The following MYH3 variants were observed in gnomAD, a reference collection of about 807,000 sequenced individuals.
MYH3 encodes the protein myosin-3.
Under a neutral mutation model 238.0 loss-of-function variants are expected in MYH3, and 130 were observed. The ratio of observed to expected loss-of-function variants is 0.55; its 90% CI spans 0.47 to 0.63. The LOEUF (loss-of-function observed/expected upper bound fraction) is 0.63. MYH3 is among the 30% of genes least tolerant of loss of function. The pLI, the probability that MYH3 is intolerant of heterozygous loss-of-function variation, is 0.00. For missense variants in MYH3, 1,853 were observed against 2,374.9 expected (o/e 0.78, Z 4.57); for synonymous variants, 880 against 924.1 (o/e 0.95, Z 0.86).
At chr17:10,632,376 C>A in intron 34 of MYH3, 100 bp downstream of exon 34, 1 of 1,376,784 alleles carries the variant, frequency 7.3e-7, no homozygotes, top group East Asian at 2.3e-5. Flanking sequence ...GCCTCAGTCT[C>A]CCAGAGCGCT....
Position 10,639,617 on chromosome 17 carries a change from A to C in MYH3, c.2868T>G (p.Asp956Glu). 2 of 1,614,138 alleles carry C rather than the reference A, an allele frequency of 1.2e-6. No homozygotes were observed. The highest frequency in any genetic ancestry group is 3.3e-4 in the Middle Eastern group (2 of 6,058). Residue 956 changes from aspartate to glutamate, a missense_variant, in exon 23 of 41, where the codon GAT (aspartate) becomes GAG (glutamate). Asp to Glu is a conservative substitution (Grantham distance 45). Around this residue, in one of 3 missense-constraint regions of MYH3, gnomAD observed 678 missense variants for 1,058.9 expected, o/e 0.64. Transcript: ENST00000583535. ...CCTTGGCCAGGGTCAACTCAAGGTC[A>C]TCAATGTCTTTCTTGAGCTCTGAGC... ...DECSELKKDI[D>E]DLELTLAKVE...
rs1417184471 is a variant in MYH3 at position 10,634,036 on chromosome 17, C to T, written c.4503G>A (p.Arg1501=). ...EALDQLETVK[R]ENKNLEQEIA... ...GCTTACGCTCTAAGTTCTTATTTTC[C>T]CGTTTCACAGTTTCAAGTTGATCTA... Residue 1501 remains arginine, a synonymous_variant, in exon 32 of 41, where the codon CGG becomes CGA. Coordinates refer to ENST00000583535, the MANE Select transcript of MYH3 (RefSeq NM_002470.4). 6.2e-7 allele frequency: 1 copy of T among 1,614,096 alleles called. No homozygotes were observed. Among genetic ancestry groups the T allele is most frequent in the South Asian group, 1.1e-5 (1 of 91,082 alleles).
intron 4 of MYH3, 73 bp from the exon 5 acceptor site, chr17:10,651,741 A>ATTG: frequency 2.1e-6 from 3 of 1,437,382 alleles, no homozygotes; most frequent in Non-Finnish European, 1.9e-6. Flanking sequence ...CTTTATTATT[A>ATTG]TTATTGTTTT....
At chr17:10,676,029 G>A in the MYH3 span, 3 of 152,168 alleles carry the variant, frequency 2.0e-5, no homozygotes, top group Non-Finnish European at 2.9e-5. Context: ...AAAACCAAAC[G>A]ACAAAATCCA....
chr17:10,649,843 G>A (rs926744157), intron 6 of MYH3, among the ~76,000 whole-genome samples, 158 bp from the exon 7 acceptor site: 1 of 152,174 alleles, frequency 6.6e-6, no homozygotes, highest in African/African-American at 2.4e-5. Context: ...AGACGCCCAG[G>A]GCACAGGTGC....
the MYH3 span, among the ~76,000 whole-genome samples, chr17:10,672,071 G>C: frequency 6.6e-6 from 1 of 152,066 alleles, no homozygotes; most frequent in Non-Finnish European, 1.5e-5. Flanking sequence ...GTCTGACTTT[G>C]GTGGTTACAA....
intron 17 of MYH3, 130 bp from the exon 18 acceptor site, chr17:10,641,502 CTCTGTCTTTTTTT>C (rs1380536477): frequency 1.8e-5 from 10 of 569,052 alleles, no homozygotes; most frequent in Non-Finnish European, 2.9e-5. Context: ...AATGATTTAA[CTCTGTCTTTTTTT>C]TTTTTTTTTT....
intron 2 of MYH3, 47 bp from the exon 3 acceptor site, chr17:10,655,119 C>T (rs1002813966): frequency 8.1e-6 from 12 of 1,481,614 alleles, no homozygotes; most frequent in African/African-American, 6.9e-5. Context: ...CCTTGCCAGG[C>T]ACCCAGCAGC....
chr17:10,660,657 A>G (rs1223512978), upstream of MYH3, among the ~76,000 whole-genome samples: 2 of 143,998 alleles, frequency 1.4e-5, no homozygotes, highest in Non-Finnish European at 3.0e-5. Context: ...AGGCTGGGCG[A>G]CAGAGTGAGA....
intron 18 of MYH3, 32 bp from the exon 19 acceptor site, chr17:10,641,234 C>T (rs373458992): frequency 1.6e-5 from 25 of 1,611,524 alleles, no homozygotes; most frequent in South Asian, 2.2e-5. Context: ...CAGCCTTACA[C>T]AGAATTTCTT....
rs1211525214 is a variant in MYH3, at chr17:10,634,980, C to T, written c.4216G>A (p.Glu1406Lys). The T allele has an allele frequency of 6.2e-7, 1 of 1,614,040 alleles. No homozygotes were observed. Among genetic ancestry groups the T allele is most frequent in the Non-Finnish European group, 8.5e-7 (1 of 1,180,046 alleles). Reference sequence around the variant, plus strand: ...GAAGCACATTTAGCATTCACTGCCTCAACCTGTTCCTCGGAATCTTGAAGG... The same window carrying T: ...GAAGCACATTTAGCATTCACTGCCTTAACCTGTTCCTCGGAATCTTGAAGG... ...QRLQDSEEQV[E>K]AVNAKCASLE... Residue 1406 changes from glutamate (E) to lysine (K), a missense_variant, in exon 31 of 41, where the codon GAG (glutamate) becomes AAG (lysine). By Grantham distance (56) the Glu-to-Lys change is moderately conservative. Transcript: ENST00000583535.
chr17:10,640,225 T>C lies in MYH3; in HGVS notation c.2453A>G (p.Asn818Ser). Residue 818 changes from asparagine (N) to serine (S), a missense_variant, in exon 22 of 41, where the codon AAC becomes AGC. This residue lies in a region of MYH3 where 678 missense variants were observed against 1,058.9 expected (regional missense o/e 0.64). Coordinates refer to ENST00000583535, the MANE Select transcript of MYH3 (RefSeq NM_002470.4). ...RRESIFCIQY[N>S]IRSFMNVKHW... ...CTTGACGTTCATGAATGAGCGAATG[T>C]TGTACTGGATGCAGAAGATGGACTC... 6.2e-7 allele frequency: 1 copy of C among 1,614,192 alleles called. No homozygotes were observed. The highest frequency in any genetic ancestry group is 8.5e-7 in the Non-Finnish European group (1 of 1,180,036).
At chr17:10,651,692 T>G in intron 4 of MYH3, 24 bp from the exon 5 acceptor site, 1 of 1,607,104 alleles carries the variant, frequency 6.2e-7, no homozygotes, top group Non-Finnish European at 8.5e-7. Context: ...AACATATACG[T>G]GCGTATATGT....
rs2142374325 is a variant in MYH3 at position 10,628,561 on chromosome 17, A to G, written c.*92T>C. The stretch of plus-strand genomic sequence containing the variant: ...AACAAAGCAAAGTTTATTGCATGTG[A>G]AAAAGAGTCACATGGACATTAAGTA... On this transcript the variant is annotated 3_prime_UTR_variant, in exon 41 of 41. Coordinates refer to ENST00000583535, the MANE Select transcript of MYH3 (RefSeq NM_002470.4). The G allele has an allele frequency of 7.0e-7, 1 of 1,433,198 alleles. No homozygotes were observed. The highest frequency in any genetic ancestry group is 9.8e-7 in the Non-Finnish European group (1 of 1,015,408). 88.8% of individuals were successfully genotyped at this position (1,433,198 alleles called of 1,614,324 possible).
chr17:10,632,868 T>C, intron 33 of MYH3, 84 bp from the exon 34 acceptor site: 1 of 1,339,780 alleles, frequency 7.5e-7, no homozygotes, highest in Non-Finnish European at 1.1e-6. Flanking sequence ...AAAACTTCAA[T>C]GGAATAGTCC....
chr17:10,631,930 C>G lies in MYH3; in HGVS notation c.5043G>C (p.Leu1681=). The change falls in exon 35 of 41, where the codon CTG becomes CTC. Residue 1681 remains leucine, a synonymous_variant. Coordinates refer to ENST00000583535, the MANE Select transcript of MYH3 (RefSeq NM_002470.4). Reference sequence around the variant, plus strand: ...GCAGCTCCTCCACCTCGGCCTGCAGCAGGTTGGCTCTGCGCTCCACAATCG... The same window carrying G: ...GCAGCTCCTCCACCTCGGCCTGCAGGAGGTTGGCTCTGCGCTCCACAATCG... ...QLAIVERRAN[L]LQAEVEELRA... The G allele has an allele frequency of 1.9e-6, 3 of 1,614,128 alleles. No individual in the cohort carries two copies. Among genetic ancestry groups the G allele is most frequent in the Admixed American group, 3.3e-5 (2 of 60,022 alleles).
At position 10,654,149 on chromosome 17, in the gene MYH3, TTCTC is replaced by T. The variant is rs972549217; in HGVS notation, c.204+708_204+711del. Among the ~76,000 whole-genome samples the T allele has an allele frequency of 2.7e-5, 4 of 145,906 alleles. No homozygotes were observed. Among genetic ancestry groups the T allele is most frequent in the South Asian group, 4.3e-4 (2 of 4,630 alleles). ...TGTCTCTTTTATTTTCTTTCTTTCT[TTCTC>T]TTTCTTTCTTTCCTTCCTTCCTTGC... On this transcript the variant is annotated intron_variant, in intron 3 of 40. Coordinates refer to ENST00000583535, the MANE Select transcript of MYH3 (RefSeq NM_002470.4). This position sits in a 1 kb window ranked among gnomAD's most constrained non-coding sequence, Gnocchi z 4.5.
the MYH3 span, chr17:10,677,602 ATTTTACTGGTAG>A: frequency 9.2e-5 from 14 of 152,218 alleles, no homozygotes; most frequent in African/African-American, 3.4e-4. Flanking sequence ...CAACTCGCAT[ATTTTACTGGTAG>A]TCAGTAAATC....
At chr17:10,656,537 C>CA (rs71139057) in intron 1 of MYH3, among the ~76,000 whole-genome samples, 626 of 55,738 alleles carry the variant, frequency 0.011, 5 homozygotes, top group African/African-American at 0.029. Flanking sequence ...AATTCTGTCT[C>CA]AAAAAAAAAA....
Sources: gnomAD v4.1 joint callset for allele counts (sites outside exome capture counted in the v4.1 genomes callset) on GRCh38, gnomAD v4.1.1 for gene constraint, gnomAD v4.1.1 regional missense constraint, Gnocchi (gnomAD v3.1) non-coding constraint, MANE v1.5 for transcripts, NCBI Gene and HGNC (gene_info 2026-07-23, HGNC 2026-07-21) for gene names.